The following STMN2 variants were observed in gnomAD, a reference collection of about 807,000 sequenced individuals.
STMN2 encodes stathmin-2.
Under a neutral mutation model 24.1 loss-of-function variants are expected in STMN2, and 2 were observed. That is an observed-to-expected ratio of 0.08 (90% CI 0.03 to 0.26). The LOEUF (loss-of-function observed/expected upper bound fraction) is 0.26, where lower values mean the gene tolerates loss of function less well. Among genes scored for constraint, STMN2 ranks in the 10% least tolerant of loss-of-function variants. The pLI, the probability that STMN2 is intolerant of heterozygous loss-of-function variation, is 1.00. For synonymous variants in STMN2, 83 were observed against 77.5 expected, an observed-to-expected ratio of 1.07 and a Z score of -0.37; for missense variants, 114 against 213.6, an observed-to-expected ratio of 0.53 and a Z score of 2.91.
At chr8:79,618,316 C>G (rs1246725546) in intron 1 of STMN2, among the ~76,000 whole-genome samples, 1 of 152,150 alleles carries the variant, frequency 6.6e-6, no homozygotes, top group Non-Finnish European at 1.5e-5. Context: ...AGACACATGG[C>G]GTTCTGCAGG....
At chr8:79,633,716 C>T (rs897304699) in intron 1 of STMN2, among the ~76,000 whole-genome samples, 2 of 152,210 alleles carry the variant, frequency 1.3e-5, no homozygotes, top group African/African-American at 4.8e-5. Context: ...TAATTACTCT[C>T]CAAAGACCCC....
chr8:79,619,614 C>G lies in STMN2; in HGVS notation c.19+8400C>G, dbSNP rs138253354. Among the ~76,000 whole-genome samples, 171 of 152,252 alleles carry G rather than the reference C, an allele frequency of 1.1e-3. 1 individual carries two copies. Among genetic ancestry groups the G allele is most frequent in the East Asian group, 8.3e-3 (43 of 5,180 alleles). On this transcript the variant is annotated intron_variant, in intron 1 of 4. Coordinates refer to ENST00000220876, the MANE Select transcript of STMN2 (RefSeq NM_007029.4). Reference sequence around the variant, plus strand: ...GGAAGAACATTAATCATCTCAGGCACTTTTAGGATAGACTTATTGCAGCCT... The same window carrying G: ...GGAAGAACATTAATCATCTCAGGCAGTTTTAGGATAGACTTATTGCAGCCT...
rs551774021 is a variant in STMN2, at chr8:79,626,623, G to T, written c.20-10179G>T. On this transcript the variant is annotated intron_variant, in intron 1 of 4. Coordinates refer to ENST00000220876, the MANE Select transcript of STMN2 (RefSeq NM_007029.4). Reference sequence around the variant, plus strand: ...CCCTACCCTACACTTGTTCTTCATGGGGAAGCTAATTGGGCCACTGGAAGA... The same window carrying T: ...CCCTACCCTACACTTGTTCTTCATGTGGAAGCTAATTGGGCCACTGGAAGA... Among the ~76,000 whole-genome samples, 13 of 152,268 alleles carry T rather than the reference G, an allele frequency of 8.5e-5. No homozygotes were observed. In the East Asian group the frequency reaches 2.5e-3, roughly 29 times the overall value.
chr8:79,664,678 C>T, intron 4 of STMN2, 137 bp from the exon 5 acceptor site: 1 of 539,716 alleles, frequency 1.9e-6, no homozygotes. Context: ...TTTTGCAGGG[C>T]CCATATTTTC....
At chr8:79,619,008 A>G (rs1013962337) in intron 1 of STMN2, among the ~76,000 whole-genome samples, 1 of 152,192 alleles carries the variant, frequency 6.6e-6, no homozygotes, top group Non-Finnish European at 1.5e-5. Context: ...TACAGTTCTC[A>G]TAGAGCACAT....
At position 79,663,683 on chromosome 8, in the gene STMN2, T is replaced by C. The variant is rs867412575; in HGVS notation, c.481-1132T>C. On this transcript the variant is annotated intron_variant, in intron 4 of 4. Coordinates refer to ENST00000220876, the MANE Select transcript of STMN2 (RefSeq NM_007029.4). Reference sequence around the variant, plus strand: ...CAATGTAAGCAACATTCTACAGAAATATAAATAATACTACTAATAATTAGC... The same window carrying C: ...CAATGTAAGCAACATTCTACAGAAACATAAATAATACTACTAATAATTAGC... The C allele has an allele frequency of 2.0e-6, 3 of 1,479,278 alleles. No individual in the cohort carries two copies. The Middle Eastern group carries it at 5.5e-4, about 269-fold the overall frequency. 91.6% of individuals were successfully genotyped at this position (1,479,278 alleles called of 1,614,324 possible).
chr8:79,615,518 A>T (rs1036659115), intron 1 of STMN2, among the ~76,000 whole-genome samples: 1 of 152,212 alleles, frequency 6.6e-6, no homozygotes, highest in African/African-American at 2.4e-5. Flanking sequence ...AAAAGAAAAT[A>T]CTGAACTAGC....
At chr8:79,614,830 A>G (rs1163485263) in intron 1 of STMN2, among the ~76,000 whole-genome samples, 3 of 152,160 alleles carry the variant, frequency 2.0e-5, no homozygotes, top group Admixed American at 6.5e-5. Context: ...TATTTGTTGC[A>G]TTGAAAGCAG....
In STMN2 at chr8:79,651,850, CA is replaced by C. The variant is rs1241098257; in HGVS notation, c.289-3018del. 2.0e-5 allele frequency among the ~76,000 whole-genome samples: 3 copies of C among 152,280 alleles called. No individual in the cohort carries two copies. The East Asian group carries it at 5.8e-4, about 29-fold the overall frequency. ...AAGCAGGATGCAAACCCAGGCTTTC[CA>C]AATACCAGGTTGGGGCTCATGTCAC... On this transcript the variant is annotated intron_variant, in intron 3 of 4. Transcript: ENST00000220876.
chr8:79,633,923 T>C (rs1809875280), intron 1 of STMN2, among the ~76,000 whole-genome samples: 1 of 152,222 alleles, frequency 6.6e-6, no homozygotes, highest in Non-Finnish European at 1.5e-5. Flanking sequence ...TGAAAATTAT[T>C]GAATTTAGTT....
intron 1 of STMN2, among the ~76,000 whole-genome samples, chr8:79,635,871 T>G (rs919587438): frequency 6.6e-6 from 1 of 151,668 alleles, no homozygotes; most frequent in Non-Finnish European, 1.5e-5. Context: ...GTAAAAAGAC[T>G]GCACATATAC....
At chr8:79,620,970 G>T (rs901407929) in intron 1 of STMN2, 1 of 985,110 alleles carries the variant, frequency 1.0e-6, no homozygotes, top group African/African-American at 1.7e-5. Flanking sequence ...GCAGTGACCT[G>T]TAGGGTCCCC....
chr8:79,613,332 T>A, intron 1 of STMN2: 4 of 964,590 alleles, frequency 4.1e-6, no homozygotes, highest in Non-Finnish European at 4.9e-6. Flanking sequence ...ACTGGGTGTG[T>A]GGAGCGCAGC....
chr8:79,625,913 C>G (rs552106680), intron 1 of STMN2, among the ~76,000 whole-genome samples: 1 of 152,224 alleles, frequency 6.6e-6, no homozygotes, highest in South Asian at 2.1e-4. Flanking sequence ...GAGCCGAGAT[C>G]ATGCCACTGC....
chr8:79,611,298 G>T (rs941442951), intron 1 of STMN2, 84 bp downstream of exon 1: 32 of 1,565,762 alleles, frequency 2.0e-5, no homozygotes, highest in Non-Finnish European at 2.8e-5. Context: ...AGCATTCAGA[G>T]ATATTTTATA....
At chr8:79,635,594 T>A (rs115409321) in intron 1 of STMN2, among the ~76,000 whole-genome samples, 65 of 152,262 alleles carry the variant, frequency 4.3e-4, no homozygotes, top group African/African-American at 1.5e-3. Context: ...AATGAAATCA[T>A]GTCCTTTGCT....
chr8:79,660,172 A>T (rs1425183843), intron 4 of STMN2, among the ~76,000 whole-genome samples: 1 of 152,220 alleles, frequency 6.6e-6, no homozygotes, highest in African/African-American at 2.4e-5. Flanking sequence ...AGGAACCATC[A>T]GACAGCAGGA....
chr8:79,663,000 T>C (rs1477497446), intron 4 of STMN2, among the ~76,000 whole-genome samples: 1 of 152,128 alleles, frequency 6.6e-6, no homozygotes, highest in Non-Finnish European at 1.5e-5. Flanking sequence ...CTGTGACATT[T>C]CCAAACAGGA....
At position 79,664,911 on chromosome 8, in the gene STMN2, AT is replaced by A. The variant is rs760767489; in HGVS notation, c.*38del. Reference sequence around the variant, plus strand: ...GTCTGGCACGCCCCACCAATAGTAAATCCCCCTGCCTATATTATAATGGATC... The same window carrying A: ...GTCTGGCACGCCCCACCAATAGTAAACCCCCTGCCTATATTATAATGGATC... On this transcript the variant is annotated 3_prime_UTR_variant, in exon 5 of 5. Coordinates refer to ENST00000220876, the MANE Select transcript of STMN2 (RefSeq NM_007029.4). 1.7e-5 allele frequency: 28 copies of A among 1,601,250 alleles called. No individual in the cohort carries two copies. Among genetic ancestry groups the A allele is most frequent in the Non-Finnish European group, 2.3e-5 (27 of 1,171,922 alleles).
Sources: gnomAD v4.1 joint callset for allele counts (sites outside exome capture counted in the v4.1 genomes callset) on GRCh38, gnomAD v4.1.1 for gene constraint, MANE v1.5 for transcripts, NCBI Gene and HGNC (gene_info 2026-07-23, HGNC 2026-07-21) for gene names.